SLC25A21: variants seen among roughly 807,000 people sequenced by gnomAD.
SLC25A21 encodes the protein solute carrier family 25 member 21.
In SLC25A21, 47 loss-of-function variants were observed where a neutral mutation model predicts 43.8. That is an observed-to-expected ratio of 1.07 (90% CI 0.85 to 1.37). The LOEUF is 1.37. Among genes scored for constraint, SLC25A21 ranks in the 40% most tolerant of loss-of-function variants. The pLI is 0.00. For missense variants in SLC25A21, 352 were observed against 350.2 expected (o/e 1.00, Z -0.04); for synonymous variants, 131 against 121.3 (o/e 1.08, Z -0.52).
intron 1 of SLC25A21, among the ~76,000 whole-genome samples, chr14:37,053,313 TC>T (rs1277325907): frequency 6.6e-6 from 1 of 152,176 alleles, no homozygotes; most frequent in Non-Finnish European, 1.5e-5. Flanking sequence ...AACTATTGCT[TC>T]CATGAGCTTT....
chr14:36,950,130 T>C (rs1379846210), intron 1 of SLC25A21, among the ~76,000 whole-genome samples: 2 of 152,214 alleles, frequency 1.3e-5, no homozygotes, highest in African/African-American at 2.4e-5. Context: ...TTGGGAAACC[T>C]TGAACCATGT....
intron 3 of SLC25A21, among the ~76,000 whole-genome samples, chr14:36,800,594 G>A (rs1887837247): frequency 6.6e-6 from 1 of 152,066 alleles, no homozygotes; most frequent in Admixed American, 6.6e-5. Flanking sequence ...GGGAGAAATG[G>A]GGAATTACTG....
At chr14:36,896,424 TTA>T (rs1329311251) in intron 1 of SLC25A21, among the ~76,000 whole-genome samples, 4 of 152,174 alleles carry the variant, frequency 2.6e-5, no homozygotes, top group Non-Finnish European at 5.9e-5. Context: ...TATTTTGAGC[TTA>T]TATGTGTCTC....
At chr14:37,136,225 T>C (rs1373789385) in intron 1 of SLC25A21, among the ~76,000 whole-genome samples, 1 of 152,218 alleles carries the variant, frequency 6.6e-6, no homozygotes, top group Admixed American at 6.5e-5. Flanking sequence ...TTAAAATGAA[T>C]TGTTCTCAAC....
chr14:37,037,522 C>T (rs1459458497), intron 1 of SLC25A21, among the ~76,000 whole-genome samples: 1 of 151,938 alleles, frequency 6.6e-6, no homozygotes, highest in Admixed American at 6.6e-5. Context: ...GTTTGGAATT[C>T]CTCCTGTTTT....
rs115619800 is a variant in SLC25A21 at position 36,855,638 on chromosome 14, C to T, written c.119+19318G>A. ...CAGTATGAGCAACTGTGGGGTGGGG[C>T]TCAGCAATCTGGGTTTTAACTAGCC... On this transcript the variant is annotated intron_variant, in intron 2 of 9. Transcript: ENST00000331299. 2.6e-5 allele frequency among the ~76,000 whole-genome samples: 4 copies of T among 152,242 alleles called. No homozygotes were observed. The East Asian group carries it at 7.7e-4, about 29-fold the overall frequency.
At chr14:36,956,281 A>G (rs2138668256) in intron 1 of SLC25A21, among the ~76,000 whole-genome samples, 1 of 152,318 alleles carries the variant, frequency 6.6e-6, no homozygotes, top group African/African-American at 2.4e-5. Context: ...TTATTTTACT[A>G]TGACATGGTG....
At chr14:37,074,770 C>T (rs545811048) in intron 1 of SLC25A21, among the ~76,000 whole-genome samples, 3 of 151,998 alleles carry the variant, frequency 2.0e-5, no homozygotes, top group Admixed American at 6.5e-5. Context: ...GAGGCAGAGC[C>T]GAGATCGCGC....
In SLC25A21 at chr14:37,129,767, T is replaced by C. The variant is rs1159940636; in HGVS notation, c.70+42514A>G. Among the ~76,000 whole-genome samples the C allele has an allele frequency of 2.6e-5, 4 of 151,904 alleles. 1 individual carries two copies. Among genetic ancestry groups the C allele is most frequent in the East Asian group, 3.8e-4 (2 of 5,196 alleles). On this transcript the variant is annotated intron_variant, in intron 1 of 9. Coordinates refer to ENST00000331299, the MANE Select transcript of SLC25A21 (RefSeq NM_030631.4). ...AAATAGGTTTAGAGTCTTTTTTAAC[T>C]ATATTATAGGGCTTCAAAGTTCTTA...
chr14:36,825,557 G>C (rs1594620846), intron 2 of SLC25A21, among the ~76,000 whole-genome samples: 1 of 152,160 alleles, frequency 6.6e-6, no homozygotes, highest in East Asian at 1.9e-4. Flanking sequence ...TTTATAGGCA[G>C]GTGCTTTGCT....
chr14:37,073,089 A>T (rs1033247817), intron 1 of SLC25A21, among the ~76,000 whole-genome samples: 1 of 152,248 alleles, frequency 6.6e-6, no homozygotes, highest in Admixed American at 6.5e-5. Flanking sequence ...CAGCTAGTGC[A>T]AATAGATCAC....
At chr14:36,931,940 G>A (rs1293811379) in intron 1 of SLC25A21, among the ~76,000 whole-genome samples, 2 of 152,074 alleles carry the variant, frequency 1.3e-5, no homozygotes, top group Non-Finnish European at 2.9e-5. Flanking sequence ...TGCAAATCAA[G>A]GGATATAGTG....
intron 1 of SLC25A21, among the ~76,000 whole-genome samples, chr14:37,020,813 C>A (rs926462650): frequency 6.6e-6 from 1 of 151,840 alleles, no homozygotes; most frequent in Admixed American, 6.6e-5. Context: ...TAAATTATTA[C>A]CAAATACAAT....
intron 3 of SLC25A21, among the ~76,000 whole-genome samples, chr14:36,790,122 C>T (rs988909250): frequency 2.0e-5 from 3 of 149,904 alleles, no homozygotes; most frequent in Non-Finnish European, 4.4e-5. Flanking sequence ...TCTGTTGGCC[C>T]CAGCATCTAC....
rs118112406 is a variant in SLC25A21, at chr14:36,972,482, C to T, written c.71-97478G>A. Among the ~76,000 whole-genome samples, 22 of 152,148 alleles carry T rather than the reference C, an allele frequency of 1.4e-4. No individual in the cohort carries two copies. In the East Asian group the frequency reaches 3.7e-3, roughly 25 times the overall value. On this transcript the variant is annotated intron_variant, in intron 1 of 9. Coordinates refer to ENST00000331299, the MANE Select transcript of SLC25A21 (RefSeq NM_030631.4). ...GCCACAAAGAGGGAAGTAAACATAA[C>T]GAACTTTAGTGGGAGGCAAAGGTTA...
intron 1 of SLC25A21, among the ~76,000 whole-genome samples, chr14:36,916,761 C>T (rs547834752): frequency 2.7e-4 from 41 of 152,108 alleles, no homozygotes; most frequent in Non-Finnish European, 4.6e-4. Flanking sequence ...GATCTCTCTA[C>T]GGCCTAGACC....
chr14:36,925,880 A>G (rs1467381401), intron 1 of SLC25A21, among the ~76,000 whole-genome samples: 4 of 152,102 alleles, frequency 2.6e-5, no homozygotes, highest in African/African-American at 9.7e-5. Context: ...AGAGCTTCAA[A>G]ATACATGAAG....
intron 1 of SLC25A21, among the ~76,000 whole-genome samples, chr14:36,993,342 G>A (rs763054149): frequency 7.2e-5 from 11 of 152,100 alleles, no homozygotes; most frequent in Non-Finnish European, 1.2e-4. Context: ...TCAAAGCCAC[G>A]AGTTTTATGG....
chr14:37,080,077 T>C (rs748327845), intron 1 of SLC25A21, among the ~76,000 whole-genome samples: 12 of 152,184 alleles, frequency 7.9e-5, no homozygotes, highest in Non-Finnish European at 1.6e-4. Context: ...CTTCCCAGCG[T>C]ACAGAACTGA....
Sources: gnomAD v4.1 joint callset for allele counts (sites outside exome capture counted in the v4.1 genomes callset) on GRCh38, gnomAD v4.1.1 for gene constraint, MANE v1.5 for transcripts, NCBI Gene and HGNC (gene_info 2026-07-23, HGNC 2026-07-21) for gene names.